Variants in BAZ2B observed in about 807,000 individuals in gnomAD.
The protein encoded by BAZ2B is bromodomain adjacent to zinc finger domain protein 2B.
BAZ2B carries 91 observed loss-of-function variants against 246.0 expected under a neutral mutation model. That is an observed-to-expected ratio of 0.37 (90% confidence interval 0.31 to 0.44). BAZ2B has a LOEUF of 0.44. Ranked by LOEUF, BAZ2B falls within the 20% of genes least tolerant of loss-of-function variation. The pLI is 1.00. For synonymous variants in BAZ2B, 855 were observed against 860.0 expected, an observed-to-expected ratio of 0.99 and a Z score of 0.10; for missense variants, 2,332 against 2,533.7, an observed-to-expected ratio of 0.92 and a Z score of 1.71.
intron 2 of BAZ2B, among the ~76,000 whole-genome samples, chr2:159,536,529 G>T (rs769981805): frequency 3.3e-5 from 5 of 152,200 alleles, no homozygotes; most frequent in Non-Finnish European, 5.9e-5. Flanking sequence ...TCAGATCAGA[G>T]TGTTCAATCC....
chr2:159,681,117 C>G, the BAZ2B span, among the ~76,000 whole-genome samples: 4 of 151,872 alleles, frequency 2.6e-5, no homozygotes, highest in Admixed American at 1.3e-4. Flanking sequence ...AATTCCAATA[C>G]TGTAAGTTTT....
At chr2:159,594,592 T>C (rs1690190832) in intron 1 of BAZ2B, among the ~76,000 whole-genome samples, 1 of 152,020 alleles carries the variant, frequency 6.6e-6, no homozygotes, top group Non-Finnish European at 1.5e-5. Context: ...ATGAAACAGA[T>C]AAATTCTCAT....
chr2:159,674,485 T>C, the BAZ2B span, among the ~76,000 whole-genome samples: 3 of 151,534 alleles, frequency 2.0e-5, no homozygotes, highest in African/African-American at 4.8e-5. Flanking sequence ...GAGGTTGAGG[T>C]GGGCCGATCA....
At chr2:159,510,402 G>A (rs1420043028) in intron 2 of BAZ2B, among the ~76,000 whole-genome samples, 1 of 152,064 alleles carries the variant, frequency 6.6e-6, no homozygotes. Flanking sequence ...GGTCTCAAGT[G>A]ATCCTTGAGA....
At chr2:159,433,400 A>T in intron 8 of BAZ2B, 37 bp from the exon 9 acceptor site, 1 of 1,548,250 alleles carries the variant, frequency 6.5e-7, no homozygotes, top group Non-Finnish European at 8.7e-7. Context: ...AACAAAATGT[A>T]CCACAAAACA....
chr2:159,568,508 T>C (rs1683169834), intron 1 of BAZ2B, among the ~76,000 whole-genome samples: 1 of 152,062 alleles, frequency 6.6e-6, no homozygotes, highest in African/African-American at 2.4e-5. Flanking sequence ...TTTAAATGAG[T>C]TCTTAAGTTC....
the BAZ2B span, among the ~76,000 whole-genome samples, chr2:159,674,938 T>C: frequency 6.6e-6 from 1 of 152,188 alleles, no homozygotes; most frequent in African/African-American, 2.4e-5. Flanking sequence ...TTGTTTGTAA[T>C]AACATTGGAG....
intron 1 of BAZ2B, among the ~76,000 whole-genome samples, chr2:159,605,378 T>A (rs1391628165): frequency 6.6e-6 from 1 of 152,166 alleles, no homozygotes; most frequent in Non-Finnish European, 1.5e-5. Context: ...GCTGTAGGAT[T>A]ATTTTTAGCT....
At chr2:159,652,983 G>GCT in the BAZ2B span, among the ~76,000 whole-genome samples, 1 of 150,918 alleles carries the variant, frequency 6.6e-6, no homozygotes, top group African/African-American at 2.4e-5. Context: ...TGTCACACAG[G>GCT]CTGGAGTGCA....
chr2:159,369,212 C>T (rs767315070), intron 27 of BAZ2B, among the ~76,000 whole-genome samples: 9 of 151,908 alleles, frequency 5.9e-5, no homozygotes, highest in African/African-American at 1.2e-4. Context: ...GGTGAAATTT[C>T]GATGGTAGAA....
intron 1 of BAZ2B, among the ~76,000 whole-genome samples, chr2:159,608,209 T>C (rs1195888129): frequency 6.6e-6 from 1 of 152,076 alleles, no homozygotes; most frequent in Non-Finnish European, 1.5e-5. Context: ...ACCCCGTCTC[T>C]ACAAAAATAC....
At chr2:159,457,713 T>G (rs191063129) in intron 3 of BAZ2B, among the ~76,000 whole-genome samples, 1 of 152,216 alleles carries the variant, frequency 6.6e-6, no homozygotes, top group Admixed American at 6.5e-5. Flanking sequence ...ACATTTCCAT[T>G]CCCTTATTTC....
At chr2:159,684,525 ATC>A in the BAZ2B span, among the ~76,000 whole-genome samples, 3 of 152,218 alleles carry the variant, frequency 2.0e-5, no homozygotes, top group Admixed American at 6.5e-5. Flanking sequence ...AGGATGAATT[ATC>A]TCTTTTTCTC....
chr2:159,414,273 T>A (rs1308177895), intron 13 of BAZ2B, among the ~76,000 whole-genome samples: 1 of 151,948 alleles, frequency 6.6e-6, no homozygotes, highest in African/African-American at 2.4e-5. Context: ...CTGGGAAGGA[T>A]AGTGAGAGGA....
At chr2:159,674,669 T>A in the BAZ2B span, among the ~76,000 whole-genome samples, 1 of 150,630 alleles carries the variant, frequency 6.6e-6, no homozygotes, top group Non-Finnish European at 1.5e-5. Flanking sequence ...TGAGCTGAGA[T>A]TGCGCCATTG....
At chr2:159,706,452 A>G in the BAZ2B span, among the ~76,000 whole-genome samples, 2 of 152,230 alleles carry the variant, frequency 1.3e-5, no homozygotes, top group Non-Finnish European at 2.9e-5. Flanking sequence ...CTCAAAAAAA[A>G]TGTAGTCTGA....
intron 3 of BAZ2B, chr2:159,458,403 G>T: frequency 6.6e-6 from 1 of 151,888 alleles, no homozygotes. Context: ...TCGGCTCACT[G>T]CAACCTCCGC....
the BAZ2B span, among the ~76,000 whole-genome samples, chr2:159,671,115 C>G: frequency 5.9e-5 from 9 of 152,298 alleles, no homozygotes; most frequent in African/African-American, 2.2e-4. Flanking sequence ...ATAGTACTCA[C>G]AGTTCTAAAC....
rs1350288754 is a variant in BAZ2B, at chr2:159,349,949, C to T, written c.4622G>A (p.Ser1541Asn). 6.2e-7 allele frequency: 1 copy of T among 1,614,068 alleles called. No individual in the cohort carries two copies. Among genetic ancestry groups the T allele is most frequent in the Non-Finnish European group, 8.5e-7 (1 of 1,180,022 alleles). The change falls in exon 28 of 37, where the codon AGT becomes AAT. Residue 1541 changes from serine (S) to asparagine (N), a missense_variant. Transcript: ENST00000392783. ...TAGTAACTGGTCATTGGGGAGAGGA[C>T]TGTAGAACTTCCCTGGACCACTTGA... ...TGSSGPGKFY[S>N]PLPNDQLLKT... is the part of the protein sequence containing the mutation.
Sources: allele counts gnomAD v4.1 joint callset (sites outside exome capture counted in the v4.1 genomes callset), GRCh38; gene constraint gnomAD v4.1.1; transcripts MANE v1.5; gene names NCBI Gene and HGNC (gene_info 2026-07-23, HGNC 2026-07-21).